SPATA13: variants seen among roughly 807,000 people sequenced by gnomAD.
SPATA13 encodes the protein spermatogenesis-associated protein 13.
SPATA13 carries 50 observed loss-of-function variants against 104.0 expected under a neutral mutation model. The observed-to-expected ratio is 0.48, with a 90% CI of 0.38 to 0.61. SPATA13 has a LOEUF of 0.61. Ranked by LOEUF, SPATA13 falls within the 20% of genes least tolerant of loss-of-function variation. The pLI is 0.00. For missense variants in SPATA13, 1,524 were observed against 1,690.6 expected (o/e 0.90, Z 1.73); for synonymous variants, 606 against 667.5 (o/e 0.91, Z 1.42).
At chr13:24,113,886 A>G (rs1024388241) in intron 3 of SPATA13, among the ~76,000 whole-genome samples, 6 of 151,620 alleles carry the variant, frequency 4.0e-5, no homozygotes, top group Non-Finnish European at 7.4e-5. Flanking sequence ...AAAAAAAAAA[A>G]AAAAGAAAGA....
intron 3 of SPATA13, among the ~76,000 whole-genome samples, chr13:24,104,914 A>AT (rs1005060165): frequency 1.3e-5 from 2 of 151,894 alleles, no homozygotes; most frequent in African/African-American, 2.4e-5. Context: ...GTGCTTTGTG[A>AT]TTTTTTGTTC....
chr13:24,085,034 C>T (rs1418845266), intron 3 of SPATA13, among the ~76,000 whole-genome samples: 4 of 152,150 alleles, frequency 2.6e-5, no homozygotes, highest in Admixed American at 6.5e-5. Flanking sequence ...TGTTCGCAGT[C>T]GCCTGGGATT....
At chr13:24,282,663 C>T (rs1029615159) in intron 4 of SPATA13, among the ~76,000 whole-genome samples, 1 of 152,236 alleles carries the variant, frequency 6.6e-6, no homozygotes, top group Admixed American at 6.5e-5. Context: ...GCCCCAACAG[C>T]TCTTCCTCCA....
intron 3 of SPATA13, among the ~76,000 whole-genome samples, chr13:24,065,742 A>C (rs891913275): frequency 6.6e-6 from 1 of 152,258 alleles, no homozygotes; most frequent in Non-Finnish European, 1.5e-5. Flanking sequence ...TTTCATAGAT[A>C]TTTATGATAA....
chr13:24,001,721 A>G (rs543998805), intron 2 of SPATA13, among the ~76,000 whole-genome samples: 5 of 151,986 alleles, frequency 3.3e-5, no homozygotes, highest in South Asian at 4.2e-4. Flanking sequence ...GGCCGTGGAT[A>G]TGGAGGGAAA....
rs543876181 is a variant in SPATA13, at chr13:24,129,307, C to T, written c.-111-93512C>T. On this transcript the variant is annotated intron_variant, in intron 3 of 14. Transcript: ENST00000424834. ...ATGTGAGCATGAGGGAAAGGGAATC[C>T]CAGATCTGACTTTCATCCTTCAATT... 1.7e-4 allele frequency among the ~76,000 whole-genome samples: 26 copies of T among 152,318 alleles called. No homozygotes were observed. In the South Asian group the frequency reaches 5.0e-3, roughly 29 times the overall value.
At chr13:24,284,088 T>C in intron 4 of SPATA13, 47 bp from the exon 5 acceptor site, 1 of 1,561,602 alleles carries the variant, frequency 6.4e-7, no homozygotes, top group Non-Finnish European at 8.7e-7. Context: ...TGAAAAAATC[T>C]TGTTAGCTGT....
At chr13:23,993,430 A>G (rs1228457518) in intron 2 of SPATA13, among the ~76,000 whole-genome samples, 4 of 152,244 alleles carry the variant, frequency 2.6e-5, no homozygotes, top group Admixed American at 1.3e-4. Flanking sequence ...ATCATCAAAC[A>G]TATTTCCCTT....
chr13:24,222,839 C>G lies in SPATA13; in HGVS notation c.-91C>G, dbSNP rs766761842. The G allele has an allele frequency of 3.9e-6, 6 of 1,524,074 alleles. No individual in the cohort carries two copies. The highest frequency in any genetic ancestry group is 5.3e-6 in the Non-Finnish European group (6 of 1,130,188). The allele number at this position is 1,524,074 out of a possible 1,614,324, so 94.4% of individuals were successfully genotyped here. A position where few individuals can be genotyped will look rare whatever the true frequency, so the allele number is the denominator to read the frequency against. On this transcript the variant is annotated 5_prime_UTR_variant, in exon 2 of 13. Transcript: ENST00000382108. ...TGCAGCCCGTGGCCACCCAGGAGCCCGATGTGCAAGGCAGGTGTGAGTGCC... is the reference window on the plus strand; with the variant it reads ...TGCAGCCCGTGGCCACCCAGGAGCCGGATGTGCAAGGCAGGTGTGAGTGCC...
At chr13:24,124,295 T>G (rs2137827770) in intron 3 of SPATA13, among the ~76,000 whole-genome samples, 1 of 152,360 alleles carries the variant, frequency 6.6e-6, no homozygotes, top group Non-Finnish European at 1.5e-5. Context: ...TCTCATTCAT[T>G]TCTCATCTAT....
At position 24,286,851 on chromosome 13, in the gene SPATA13, C is replaced by T. The variant is rs760402574; in HGVS notation, c.2568C>T (p.His856=). 6.2e-7 allele frequency: 1 copy of T among 1,613,900 alleles called. No individual in the cohort carries two copies. Among genetic ancestry groups the T allele is most frequent in the South Asian group, 1.1e-5 (1 of 91,082 alleles). ...ACGAGGAGGCCAGCCAGAGCCGCCA[C>T]AGACACTGTGAGAACAAGCAGCAGA... ...EQDEEASQSR[H]RHCENKQQMR... Residue 856 remains histidine (H), a synonymous_variant, in exon 7 of 13, where the codon CAC becomes CAT. Coordinates refer to ENST00000382108, the MANE Select transcript of SPATA13 (RefSeq NM_001166271.3). This position sits in a 1 kb window ranked among gnomAD's most constrained non-coding sequence, Gnocchi z 4.9.
At chr13:24,058,528 A>G (rs912593880) in intron 3 of SPATA13, among the ~76,000 whole-genome samples, 1 of 151,878 alleles carries the variant, frequency 6.6e-6, no homozygotes, top group Admixed American at 6.6e-5. Context: ...TCATAGGGCT[A>G]CACATTACTT....
chr13:24,236,890 G>A (rs1301194489), intron 2 of SPATA13, among the ~76,000 whole-genome samples: 1 of 152,076 alleles, frequency 6.6e-6, no homozygotes, highest in African/African-American at 2.4e-5. Context: ...CCGTTTCTGG[G>A]TATATGTCCA....
chr13:24,291,523 G>A (rs1247469394), intron 9 of SPATA13, among the ~76,000 whole-genome samples: 7 of 152,168 alleles, frequency 4.6e-5, no homozygotes, highest in Non-Finnish European at 8.8e-5. Context: ...TGGGCCCTGA[G>A]CCGTTCCCTA....
chr13:24,214,659 C>T (rs1871188313), intron 1 of SPATA13, among the ~76,000 whole-genome samples: 1 of 152,210 alleles, frequency 6.6e-6, no homozygotes. Flanking sequence ...GAGAGGGATG[C>T]TCCCTGGTGT....
chr13:24,178,483 C>CT (rs545420397), intron 1 of SPATA13, among the ~76,000 whole-genome samples: 275 of 152,142 alleles, frequency 1.8e-3, no homozygotes, highest in Middle Eastern at 3.4e-3. Flanking sequence ...GCTTCTTGGC[C>CT]TTTTGGCTAT....
chr13:24,046,343 A>C (rs1477470758), intron 3 of SPATA13, among the ~76,000 whole-genome samples: 1 of 148,420 alleles, frequency 6.7e-6, no homozygotes, highest in African/African-American at 2.5e-5. Flanking sequence ...ACCAGGCTGG[A>C]GTGCAGTGGT....
intron 3 of SPATA13, among the ~76,000 whole-genome samples, chr13:24,059,104 T>C (rs547292647): frequency 6.6e-5 from 10 of 151,864 alleles, no homozygotes; most frequent in African/African-American, 2.2e-4. Context: ...TCCGAGTAGC[T>C]GGGACTACAG....
intron 1 of SPATA13, among the ~76,000 whole-genome samples, chr13:24,211,143 TC>T (rs1363636862): frequency 6.6e-6 from 1 of 152,240 alleles, no homozygotes; most frequent in East Asian, 1.9e-4. Flanking sequence ...GTTTATTAGT[TC>T]TAACAGTTTT....
Sources: allele counts gnomAD v4.1 joint callset (sites outside exome capture counted in the v4.1 genomes callset), GRCh38; gene constraint gnomAD v4.1.1; non-coding constraint Gnocchi (gnomAD v3.1); transcripts MANE v1.5; gene names NCBI Gene and HGNC (gene_info 2026-07-23, HGNC 2026-07-21).